Variants in STPG2 observed in about 807,000 individuals in gnomAD.
STPG2 encodes sperm-tail PG-rich repeat-containing protein 2.
Under a neutral mutation model 54.2 loss-of-function variants are expected in STPG2, and 56 were observed. That is an observed-to-expected ratio of 1.03 (90% CI 0.83 to 1.29). STPG2 has a LOEUF of 1.29. Ranked by LOEUF, STPG2 falls within the 50% of genes most tolerant of loss-of-function variation. The pLI is 0.00. For synonymous variants in STPG2, 200 were observed against 181.8 expected, an observed-to-expected ratio of 1.10 and a Z score of -0.81; for missense variants, 596 against 544.9, an observed-to-expected ratio of 1.09 and a Z score of -0.93.
At chr4:98,135,597 T>C (rs897933864) in intron 1 of STPG2, among the ~76,000 whole-genome samples, 1 of 151,816 alleles carries the variant, frequency 6.6e-6, no homozygotes, top group African/African-American at 2.4e-5. Context: ...ATGGATGATG[T>C]TAAAATTCAA....
At chr4:97,503,461 T>C (rs1426471028) in intron 4 of STPG2, among the ~76,000 whole-genome samples, 2 of 151,910 alleles carry the variant, frequency 1.3e-5, no homozygotes, top group African/African-American at 2.4e-5. Flanking sequence ...CTAATTCTTA[T>C]TGCAGCCAAT....
chr4:98,001,557 T>C (rs1161552216), intron 5 of STPG2, among the ~76,000 whole-genome samples: 3 of 151,966 alleles, frequency 2.0e-5, no homozygotes, highest in African/African-American at 7.3e-5. Flanking sequence ...CACATCCAAA[T>C]GAAATAATGT....
intron 4 of STPG2, among the ~76,000 whole-genome samples, chr4:97,533,970 T>C (rs1330102579): frequency 1.3e-5 from 2 of 152,118 alleles, no homozygotes; most frequent in African/African-American, 4.8e-5. Context: ...TTTTATTAAG[T>C]AGAAACTGCA....
chr4:97,988,248 T>C (rs1734887884), intron 5 of STPG2, among the ~76,000 whole-genome samples: 1 of 152,152 alleles, frequency 6.6e-6, no homozygotes, highest in Non-Finnish European at 1.5e-5. Flanking sequence ...AATGTCACCT[T>C]CTCAATGAGT....
intron 4 of STPG2, among the ~76,000 whole-genome samples, chr4:97,528,667 T>G (rs998863273): frequency 6.6e-6 from 1 of 152,168 alleles, no homozygotes; most frequent in Non-Finnish European, 1.5e-5. Context: ...TGTCCTCTCT[T>G]ATTTCCTTGA....
At chr4:97,565,955 T>C (rs1431231318) in intron 10 of STPG2, among the ~76,000 whole-genome samples, 1 of 152,148 alleles carries the variant, frequency 6.6e-6, no homozygotes, top group Non-Finnish European at 1.5e-5. Flanking sequence ...GAACCACTGC[T>C]CTCTTCAAAG....
At chr4:97,853,309 C>T (rs546702133) in intron 8 of STPG2, among the ~76,000 whole-genome samples, 2 of 152,242 alleles carry the variant, frequency 1.3e-5, no homozygotes, top group South Asian at 2.1e-4. Context: ...TTTCAATACT[C>T]CCATCTGTTG....
intron 8 of STPG2, among the ~76,000 whole-genome samples, chr4:97,853,836 C>T (rs1191950583): frequency 2.0e-5 from 3 of 152,106 alleles, no homozygotes; most frequent in Admixed American, 6.6e-5. Flanking sequence ...GGCTGGAGTG[C>T]AGTGACATGA....
intron 3 of STPG2, among the ~76,000 whole-genome samples, chr4:98,126,900 G>GT (rs1461509992): frequency 6.6e-6 from 1 of 151,860 alleles, no homozygotes; most frequent in Non-Finnish European, 1.5e-5. Context: ...ATTATTGTAA[G>GT]TTTTTCTATA....
chr4:97,457,165 G>A (rs994495072), intron 4 of STPG2, among the ~76,000 whole-genome samples: 10 of 152,106 alleles, frequency 6.6e-5, no homozygotes. Context: ...AATACAAAAT[G>A]ACACAGCCAC....
At chr4:98,042,599 T>C (rs1038539327) in intron 5 of STPG2, among the ~76,000 whole-genome samples, 5 of 151,928 alleles carry the variant, frequency 3.3e-5, no homozygotes, top group African/African-American at 9.7e-5. Flanking sequence ...TTAATCTCCA[T>C]GTATTTGTAA....
intron 8 of STPG2, among the ~76,000 whole-genome samples, chr4:97,886,634 T>C (rs1418948584): frequency 6.6e-6 from 1 of 152,228 alleles, no homozygotes; most frequent in Admixed American, 6.5e-5. Context: ...TGCCTTCTTT[T>C]TTCTACTCTT....
chr4:97,539,178 A>T (rs983323704), intron 4 of STPG2, among the ~76,000 whole-genome samples: 1 of 152,242 alleles, frequency 6.6e-6, no homozygotes, highest in Non-Finnish European at 1.5e-5. Context: ...ACAGGATCAA[A>T]TTCACACATA....
intron 10 of STPG2, among the ~76,000 whole-genome samples, chr4:97,682,549 T>C (rs1021829797): frequency 1.3e-5 from 2 of 151,826 alleles, no homozygotes; most frequent in South Asian, 2.1e-4. Flanking sequence ...AATATTTCTC[T>C]TTTACTTTCT....
intron 7 of STPG2, 76 bp from the exon 8 acceptor site, chr4:97,944,083 G>C: frequency 1.1e-6 from 1 of 941,088 alleles, no homozygotes; most frequent in Non-Finnish European, 1.7e-6. Context: ...TAATAAGTTT[G>C]CAATGAAGTT....
chr4:97,783,839 C>T (rs574717809), intron 9 of STPG2, among the ~76,000 whole-genome samples: 5 of 152,016 alleles, frequency 3.3e-5, no homozygotes, highest in South Asian at 2.1e-4. Context: ...AACCAAACAC[C>T]GCATGTTCTC....
chr4:97,777,018 A>T (rs1450026606), intron 9 of STPG2, among the ~76,000 whole-genome samples: 2 of 152,234 alleles, frequency 1.3e-5, no homozygotes, highest in African/African-American at 4.8e-5. Flanking sequence ...TTTAAGAATT[A>T]AAAGAGATTT....
At chr4:97,938,751 C>T (rs971425285) in intron 8 of STPG2, among the ~76,000 whole-genome samples, 6 of 152,060 alleles carry the variant, frequency 3.9e-5, no homozygotes, top group African/African-American at 1.2e-4. Flanking sequence ...GACACACCAC[C>T]CTGCTTTTCA....
At chr4:97,525,459 G>C (rs1187278084) in intron 4 of STPG2, among the ~76,000 whole-genome samples, 1 of 151,820 alleles carries the variant, frequency 6.6e-6, no homozygotes, top group East Asian at 1.9e-4. Context: ...TAAACCAAAG[G>C]CTATTGTAAT....
Sources: allele counts gnomAD v4.1 joint callset (sites outside exome capture counted in the v4.1 genomes callset), GRCh38; gene constraint gnomAD v4.1.1; transcripts MANE v1.5; gene names NCBI Gene and HGNC (gene_info 2026-07-23, HGNC 2026-07-21).